SH3BGRL2: variants seen among roughly 807,000 people sequenced by gnomAD.
SH3BGRL2 encodes the protein SH3 domain-binding glutamic acid-rich-like protein 2.
A neutral mutation model predicts 14.8 loss-of-function variants in SH3BGRL2; 21 were observed. That is an observed-to-expected ratio of 1.42 (90% CI 1.01 to 2.05). SH3BGRL2 has a LOEUF of 2.05. SH3BGRL2 is among the 30% of genes most tolerant of loss of function. The pLI is 0.00. For synonymous variants in SH3BGRL2, 50 were observed against 47.8 expected (o/e 1.05, Z -0.19); for missense variants, 147 against 130.8 (o/e 1.12, Z -0.61).
the SH3BGRL2 span, among the ~76,000 whole-genome samples, chr6:79,609,314 C>G: frequency 2.0e-5 from 3 of 152,154 alleles, no homozygotes; most frequent in Non-Finnish European, 2.9e-5. Context: ...TTTGAAAGAT[C>G]TATGTTTGAC....
At chr6:79,572,724 A>C in the SH3BGRL2 span, among the ~76,000 whole-genome samples, 22 of 152,148 alleles carry the variant, frequency 1.4e-4, no homozygotes, top group Admixed American at 2.6e-4. Flanking sequence ...CTTGGCCTCC[A>C]AAAGTGCTGG....
At chr6:79,671,226 C>T (rs571828644) in intron 1 of SH3BGRL2, among the ~76,000 whole-genome samples, 28 of 152,146 alleles carry the variant, frequency 1.8e-4, no homozygotes, top group East Asian at 3.9e-4. Flanking sequence ...CAGCACTTTG[C>T]GAGGCCGAGG....
At chr6:79,606,101 T>C in the SH3BGRL2 span, among the ~76,000 whole-genome samples, 136,397 of 152,142 alleles carry the variant, frequency 0.9, 61,990 homozygotes, top group African/African-American at 0.95. Flanking sequence ...AGGCTCTTTC[T>C]AGAGATGGGA....
chr6:79,666,010 T>G (rs572792698), intron 1 of SH3BGRL2, among the ~76,000 whole-genome samples: 2 of 152,314 alleles, frequency 1.3e-5, no homozygotes, highest in Admixed American at 1.3e-4. Context: ...GCAAATGGCT[T>G]CTTGGGGGTT....
intron 3 of SH3BGRL2, among the ~76,000 whole-genome samples, chr6:79,697,664 A>C (rs1481768551): frequency 6.6e-6 from 1 of 152,192 alleles, no homozygotes; most frequent in Non-Finnish European, 1.5e-5. Context: ...GCAGAGGCAA[A>C]ACCCACGCAT....
chr6:79,587,416 G>A, the SH3BGRL2 span, among the ~76,000 whole-genome samples: 2 of 152,042 alleles, frequency 1.3e-5, no homozygotes, highest in African/African-American at 4.8e-5. Flanking sequence ...AAGAACCTAC[G>A]TCCAGAGACT....
the SH3BGRL2 span, among the ~76,000 whole-genome samples, chr6:79,580,760 C>G: frequency 2.6e-5 from 4 of 152,058 alleles, no homozygotes; most frequent in East Asian, 7.7e-4. Context: ...AACAGATTCA[C>G]AAGCTAGCAG....
chr6:79,660,124 C>T (rs1449101437), intron 1 of SH3BGRL2, among the ~76,000 whole-genome samples: 1 of 152,124 alleles, frequency 6.6e-6, no homozygotes, highest in African/African-American at 2.4e-5. Context: ...AATTGAATAC[C>T]CTTTATTTCT....
chr6:79,630,711 G>T (rs1416630756), upstream of SH3BGRL2, among the ~76,000 whole-genome samples: 2 of 152,100 alleles, frequency 1.3e-5, no homozygotes, highest in Non-Finnish European at 2.9e-5. Context: ...TTACAGTTTT[G>T]CTGAGAAAAA....
intron 1 of SH3BGRL2, among the ~76,000 whole-genome samples, chr6:79,635,227 G>C (rs1768900188): frequency 1.3e-5 from 2 of 152,192 alleles, no homozygotes; most frequent in Admixed American, 1.3e-4. Context: ...CCTCATTAAA[G>C]TTCCTGGGCT....
chr6:79,664,594 G>A (rs1039519394), intron 1 of SH3BGRL2, among the ~76,000 whole-genome samples: 2 of 152,146 alleles, frequency 1.3e-5, no homozygotes, highest in Non-Finnish European at 2.9e-5. Context: ...GTCCAGCAAA[G>A]CCACATGTTC....
intron 1 of SH3BGRL2, among the ~76,000 whole-genome samples, chr6:79,655,803 A>G (rs75249741): frequency 0.079 from 12,004 of 152,288 alleles, 611 homozygotes; most frequent in Non-Finnish European, 0.11. Context: ...GTTTAAAGAT[A>G]TGAAATGCAG....
intron 2 of SH3BGRL2, among the ~76,000 whole-genome samples, chr6:79,691,938 T>C (rs1412707573): frequency 6.6e-6 from 1 of 151,980 alleles, no homozygotes; most frequent in Non-Finnish European, 1.5e-5. Context: ...CACACTGACT[T>C]CCACAATGGT....
At chr6:79,656,220 A>G (rs576086581) in intron 1 of SH3BGRL2, among the ~76,000 whole-genome samples, 60 of 152,356 alleles carry the variant, frequency 3.9e-4, no homozygotes, top group African/African-American at 1.4e-3. Context: ...ATGGAGAAAT[A>G]TGGATGGTTT....
At chr6:79,619,122 T>C in the SH3BGRL2 span, among the ~76,000 whole-genome samples, 1 of 152,084 alleles carries the variant, frequency 6.6e-6, no homozygotes, top group Non-Finnish European at 1.5e-5. Flanking sequence ...AATTCAAAAC[T>C]ATATAAAAAA....
chr6:79,642,028 T>C (rs1274617636), intron 1 of SH3BGRL2, among the ~76,000 whole-genome samples: 3 of 152,196 alleles, frequency 2.0e-5, no homozygotes, highest in African/African-American at 4.8e-5. Context: ...CCCATTCAGA[T>C]CATATTTTCA....
At chr6:79,664,404 T>G (rs1428072989) in intron 1 of SH3BGRL2, among the ~76,000 whole-genome samples, 1 of 152,252 alleles carries the variant, frequency 6.6e-6, no homozygotes, top group African/African-American at 2.4e-5. Flanking sequence ...CAGTTCTCTA[T>G]GCTGAATTAT....
chr6:79,679,610 A>C (rs1380544770), intron 2 of SH3BGRL2, among the ~76,000 whole-genome samples: 1 of 152,170 alleles, frequency 6.6e-6, no homozygotes, highest in Non-Finnish European at 1.5e-5. Flanking sequence ...AGATTGCTAA[A>C]TAGTATGGTA....
intron 1 of SH3BGRL2, among the ~76,000 whole-genome samples, chr6:79,657,927 C>T (rs1769457801): frequency 6.6e-6 from 1 of 152,130 alleles, no homozygotes; most frequent in African/African-American, 2.4e-5. Context: ...TCTGAAAATA[C>T]AGTTCCCAGT....
Sources: gnomAD v4.1 joint callset for allele counts (sites outside exome capture counted in the v4.1 genomes callset) on GRCh38, gnomAD v4.1.1 for gene constraint, MANE v1.5 for transcripts, NCBI Gene and HGNC (gene_info 2026-07-23, HGNC 2026-07-21) for gene names.